Variants in PLXNA2 observed in about 807,000 individuals in gnomAD.
The protein encoded by PLXNA2 is plexin A2, also known as plexin-A2.
In PLXNA2, 91 loss-of-function variants were observed where a neutral mutation model predicts 193.5. The ratio of observed to expected loss-of-function variants is 0.47; its 90% CI spans 0.40 to 0.56. The LOEUF (loss-of-function observed/expected upper bound fraction) is 0.56, where lower values mean the gene tolerates loss of function less well. Among genes scored for constraint, PLXNA2 ranks in the 20% least tolerant of loss-of-function variants. PLXNA2 has a pLI of 0.00. For synonymous variants in PLXNA2, 997 were observed against 1,027.3 expected (o/e 0.97, Z 0.56); for missense variants, 1,995 against 2,503.2 (o/e 0.80, Z 4.33).
At chr1:208,130,012 T>C (rs3811387) in intron 4 of PLXNA2, among the ~76,000 whole-genome samples, 81,113 of 152,012 alleles carry the variant, frequency 0.53, 21,953 homozygotes, top group Non-Finnish European at 0.55. Context: ...GTTTGCTAAG[T>C]CACCAACAGC....
chr1:208,216,706 G>A (rs1198489883), intron 2 of PLXNA2, 29 bp downstream of exon 2: 1 of 1,590,140 alleles, frequency 6.3e-7, no homozygotes, highest in Non-Finnish European at 8.5e-7. Flanking sequence ...TCATGGAGCA[G>A]GAGCAGAGCG....
At chr1:208,097,806 G>A (rs2498017) in intron 6 of PLXNA2, among the ~76,000 whole-genome samples, 145,565 of 151,942 alleles carry the variant, frequency 0.96, 70,053 homozygotes, top group East Asian at 1. Flanking sequence ...GTTCATGGTG[G>A]TGACATCTCG....
In PLXNA2 at chr1:208,217,718, G is replaced by T. The variant is rs1029907641; in HGVS notation, c.205C>A (p.Arg69=). Residue 69 remains arginine (R), a synonymous_variant, in exon 2 of 32, where the codon CGG becomes AGG. Transcript: ENST00000367033. This position sits in a 1 kb window ranked among gnomAD's most constrained non-coding sequence, Gnocchi z 4.7. ...AGGTTGCCTGTCAGCTTATAGACCC[G>T]GTTGATGGCCCCCACATAGACGGCC... is the stretch of plus-strand genomic sequence containing the variant. ...TGAVYVGAIN[R]VYKLTGNLTI... 3 of 1,614,174 alleles carry T rather than the reference G, an allele frequency of 1.9e-6. No homozygotes were observed. The highest frequency in any genetic ancestry group is 2.2e-5 in the South Asian group (2 of 91,084).
At chr1:208,037,520 G>C (rs376319928) in intron 26 of PLXNA2, among the ~76,000 whole-genome samples, 2 of 152,120 alleles carry the variant, frequency 1.3e-5, no homozygotes, top group Non-Finnish European at 2.9e-5. Flanking sequence ...ACGATCCCAC[G>C]GGTCTTGCAG....
intron 3 of PLXNA2, among the ~76,000 whole-genome samples, chr1:208,196,600 T>G (rs904093826): frequency 2.0e-5 from 3 of 152,148 alleles, no homozygotes; most frequent in Non-Finnish European, 4.4e-5. Flanking sequence ...TCCTGAGAAT[T>G]GAATTGGAGA....
intron 4 of PLXNA2, among the ~76,000 whole-genome samples, chr1:208,129,811 G>A (rs1254467909): frequency 6.6e-6 from 1 of 152,212 alleles, no homozygotes; most frequent in Admixed American, 6.5e-5. Context: ...GCAAGGATAA[G>A]CTCTTTGCTG....
intron 11 of PLXNA2, among the ~76,000 whole-genome samples, chr1:208,080,667 T>G (rs186385836): frequency 2.0e-5 from 3 of 152,294 alleles, no homozygotes; most frequent in Admixed American, 2.0e-4. Context: ...ACCCTCATGC[T>G]TATCGCTTTG....
intron 3 of PLXNA2, among the ~76,000 whole-genome samples, chr1:208,183,950 G>A (rs1486469853): frequency 6.6e-6 from 1 of 152,136 alleles, no homozygotes; most frequent in Non-Finnish European, 1.5e-5. Flanking sequence ...TTAAAATTAA[G>A]TAAAATAAGA....
intron 3 of PLXNA2, among the ~76,000 whole-genome samples, chr1:208,188,242 C>T (rs1041756109): frequency 1.6e-4 from 24 of 152,244 alleles, no homozygotes; most frequent in African/African-American, 4.3e-4. Flanking sequence ...TTACATGTCA[C>T]GAGGTTCTAG....
At chr1:208,058,586 C>T (rs140829393) in intron 13 of PLXNA2, among the ~76,000 whole-genome samples, 2,654 of 152,258 alleles carry the variant, frequency 0.017, 43 homozygotes, top group Non-Finnish European at 0.027. Context: ...GAGCCTGGCA[C>T]AGCTGGAAAC....
chr1:208,096,880 T>G lies in PLXNA2; in HGVS notation c.1735A>C (p.Ser579Arg). 6.2e-7 allele frequency: 1 copy of G among 1,613,222 alleles called. No individual in the cohort carries two copies. Among genetic ancestry groups the G allele is most frequent in the Non-Finnish European group, 8.5e-7 (1 of 1,179,798 alleles). Residue 579 changes from serine (S) to arginine (R), a missense_variant, in exon 7 of 32, where the codon AGC (serine) becomes CGC (arginine). Ser to Arg is a moderately radical substitution (Grantham distance 110). Coordinates refer to ENST00000367033, the MANE Select transcript of PLXNA2 (RefSeq NM_025179.4). The part of the protein sequence containing the change: ...ISVSEHSRLL[S>R]LVVSDAPDLS... ...TCAGGAGCATCACTCACTACCAGGCTAAGCTGTGGGAGGAGCAAAGAGATG... is the reference window on the plus strand; with the variant it reads ...TCAGGAGCATCACTCACTACCAGGCGAAGCTGTGGGAGGAGCAAAGAGATG...
At chr1:208,046,140 T>C in intron 17 of PLXNA2, 23 bp from the exon 18 acceptor site, 5 of 1,606,294 alleles carry the variant, frequency 3.1e-6, no homozygotes, top group Non-Finnish European at 4.3e-6. Flanking sequence ...GAGCGCAGCA[T>C]TCACACACGG....
intron 12 of PLXNA2, among the ~76,000 whole-genome samples, chr1:208,070,963 C>T (rs1327065491): frequency 6.6e-6 from 1 of 152,062 alleles, no homozygotes; most frequent in Admixed American, 6.6e-5. Flanking sequence ...CAGGTGGAGC[C>T]TCTGCATATT....
chr1:208,094,576 T>C (rs891274199), intron 8 of PLXNA2, among the ~76,000 whole-genome samples: 27 of 152,170 alleles, frequency 1.8e-4, no homozygotes, highest in African/African-American at 6.3e-4. Context: ...ATCACCACCA[T>C]GTTGGAGTTT....
intron 3 of PLXNA2, among the ~76,000 whole-genome samples, chr1:208,153,588 A>AAGTAGT (rs1473726955): frequency 4.6e-5 from 7 of 152,318 alleles, no homozygotes; most frequent in Non-Finnish European, 8.8e-5. Flanking sequence ...AAGTAGTATA[A>AAGTAGT]ACACTCAAGG....
At chr1:208,068,754 C>T (rs893729976) in intron 12 of PLXNA2, among the ~76,000 whole-genome samples, 2 of 152,232 alleles carry the variant, frequency 1.3e-5, no homozygotes, top group Non-Finnish European at 2.9e-5. Flanking sequence ...GGTATCTTTC[C>T]CATGTTCTTT....
chr1:208,170,355 G>A (rs528666720), intron 3 of PLXNA2, among the ~76,000 whole-genome samples: 128 of 152,360 alleles, frequency 8.4e-4, no homozygotes, highest in Middle Eastern at 6.8e-3. Flanking sequence ...TGTGACTGGA[G>A]GCTGGGGAGA....
intron 3 of PLXNA2, among the ~76,000 whole-genome samples, chr1:208,175,289 A>G (rs935866875): frequency 6.6e-6 from 1 of 152,198 alleles, no homozygotes; most frequent in Admixed American, 6.5e-5. Flanking sequence ...GTCTTCCTAC[A>G]TTCCAACTGG....
At chr1:208,201,128 T>A (rs1175980251) in intron 3 of PLXNA2, among the ~76,000 whole-genome samples, 1 of 152,242 alleles carries the variant, frequency 6.6e-6, no homozygotes, top group Non-Finnish European at 1.5e-5. Flanking sequence ...TTATATATCC[T>A]CCATGTCTGA....
Sources: allele counts gnomAD v4.1 joint callset (sites outside exome capture counted in the v4.1 genomes callset), GRCh38; gene constraint gnomAD v4.1.1; non-coding constraint Gnocchi (gnomAD v3.1); transcripts MANE v1.5; gene names NCBI Gene and HGNC (gene_info 2026-07-23, HGNC 2026-07-21).